Variants in DPY19L3 observed in about 807,000 individuals in gnomAD.
The protein encoded by DPY19L3 is protein C-mannosyl-transferase DPY19L3.
A neutral mutation model predicts 92.3 loss-of-function variants in DPY19L3; 51 were observed. That is an observed-to-expected ratio of 0.55 (90% CI 0.44 to 0.70). The LOEUF (loss-of-function observed/expected upper bound fraction) is 0.70, where lower values mean the gene tolerates loss of function less well. Ranked by LOEUF, DPY19L3 falls within the 30% of genes least tolerant of loss-of-function variation. The pLI is 0.00. For synonymous variants in DPY19L3, 309 were observed against 315.2 expected (o/e 0.98, Z 0.21); for missense variants, 706 against 855.9 (o/e 0.82, Z 2.18).
chr19:32,480,914 T>C (rs1970654223), intron 18 of DPY19L3: 1 of 426,140 alleles, frequency 2.3e-6, no homozygotes, highest in Admixed American at 4.0e-5. Flanking sequence ...CAACGCTTCG[T>C]ATTGGCTAGC....
At chr19:32,439,016 C>T in intron 6 of DPY19L3, 96 bp from the exon 7 acceptor site, 2 of 1,332,216 alleles carry the variant, frequency 1.5e-6, no homozygotes, top group South Asian at 1.4e-5. Context: ...CTTAAGTATA[C>T]TTGTCCTTAA....
intron 17 of DPY19L3, among the ~76,000 whole-genome samples, chr19:32,479,832 A>C (rs1464637471): frequency 1.3e-5 from 2 of 152,190 alleles, no homozygotes; most frequent in African/African-American, 4.8e-5. Context: ...AGGATGGACG[A>C]GAGGGAGAGG....
chr19:32,408,118 G>A, intron 1 of DPY19L3, 99 bp from the exon 2 acceptor site: 1 of 643,314 alleles, frequency 1.6e-6, no homozygotes. Context: ...CATGCTAATA[G>A]AGGGAAAATG....
intron 3 of DPY19L3, among the ~76,000 whole-genome samples, chr19:32,428,797 T>C (rs1968856376): frequency 6.6e-6 from 1 of 151,672 alleles, no homozygotes; most frequent in African/African-American, 2.4e-5. Context: ...TATACACTGT[T>C]ACTTCAATGG....
intron 3 of DPY19L3, among the ~76,000 whole-genome samples, chr19:32,419,739 A>G (rs1968501839): frequency 6.6e-6 from 1 of 151,986 alleles, no homozygotes; most frequent in Admixed American, 6.6e-5. Context: ...TGACCTACAT[A>G]TTCTGTTTAA....
intron 8 of DPY19L3, among the ~76,000 whole-genome samples, chr19:32,448,979 T>C (rs1969608353): frequency 6.6e-6 from 1 of 152,170 alleles, no homozygotes. Context: ...CCCCTTTTTC[T>C]AGAAATACTC....
At chr19:32,413,832 A>G (rs1968283223) in intron 3 of DPY19L3, among the ~76,000 whole-genome samples, 1 of 151,790 alleles carries the variant, frequency 6.6e-6, no homozygotes, top group East Asian at 1.9e-4. Context: ...TTGAAGCATT[A>G]CTCTCACCTT....
chr19:32,439,983 A>G (rs1599627507), intron 8 of DPY19L3, 73 bp downstream of exon 8: 1 of 1,564,332 alleles, frequency 6.4e-7, no homozygotes, highest in East Asian at 2.3e-5. Context: ...TGAGATGAAA[A>G]TATGCAAGTA....
At chr19:32,451,979 C>T (rs1192629249) in intron 8 of DPY19L3, among the ~76,000 whole-genome samples, 2 of 151,938 alleles carry the variant, frequency 1.3e-5, no homozygotes, top group Non-Finnish European at 2.9e-5. Context: ...GGACTACTTG[C>T]ACCACTACAC....
intron 17 of DPY19L3, chr19:32,479,519 A>G: frequency 2.7e-6 from 1 of 373,588 alleles, no homozygotes; most frequent in South Asian, 2.0e-5. Context: ...AGGACAACAC[A>G]GTTGTCACAG....
At chr19:32,407,465 A>G (rs930242629) in intron 1 of DPY19L3, among the ~76,000 whole-genome samples, 7 of 152,228 alleles carry the variant, frequency 4.6e-5, no homozygotes, top group Non-Finnish European at 8.8e-5. Context: ...CACATTTACT[A>G]TGGAGTATCT....
intron 8 of DPY19L3, among the ~76,000 whole-genome samples, chr19:32,440,807 T>G (rs769700305): frequency 1.2e-4 from 18 of 152,104 alleles, no homozygotes; most frequent in Non-Finnish European, 1.9e-4. Context: ...AGCTGCTAAT[T>G]AGCAATACTG....
At chr19:32,411,439 G>A (rs767428757) in intron 3 of DPY19L3, 67 bp downstream of exon 3, 3 of 1,560,230 alleles carry the variant, frequency 1.9e-6, no homozygotes, top group Non-Finnish European at 2.6e-6. Flanking sequence ...CCATGTGGAT[G>A]AATGACCAAG....
At chr19:32,410,201 T>C (rs1419748226) in intron 2 of DPY19L3, among the ~76,000 whole-genome samples, 2 of 152,210 alleles carry the variant, frequency 1.3e-5, no homozygotes, top group African/African-American at 4.8e-5. Flanking sequence ...CTTCAGTCTG[T>C]TATTATTATT....
At chr19:32,446,676 A>G (rs756818892) in intron 8 of DPY19L3, among the ~76,000 whole-genome samples, 2 of 152,238 alleles carry the variant, frequency 1.3e-5, no homozygotes, top group Non-Finnish European at 2.9e-5. Flanking sequence ...TAGCAATCCT[A>G]AGTGTACCTG....
intron 3 of DPY19L3, among the ~76,000 whole-genome samples, chr19:32,419,894 G>C (rs1245774931): frequency 8.0e-6 from 1 of 124,922 alleles, no homozygotes; most frequent in Admixed American, 9.6e-5. Context: ...GAGCCTTGCT[G>C]TGTCACCCAG....
intron 8 of DPY19L3, among the ~76,000 whole-genome samples, chr19:32,451,220 A>G (rs935035549): frequency 6.6e-6 from 1 of 152,246 alleles, no homozygotes; most frequent in African/African-American, 2.4e-5. Flanking sequence ...TTTTCACAGA[A>G]TAGTCACTGA....
At chr19:32,442,782 A>G (rs971539016) in intron 8 of DPY19L3, among the ~76,000 whole-genome samples, 3 of 152,208 alleles carry the variant, frequency 2.0e-5, no homozygotes, top group African/African-American at 7.2e-5. Context: ...ATGCTACAGA[A>G]GCAAAACCAC....
intron 2 of DPY19L3, 152 bp downstream of exon 2, chr19:32,408,508 T>C (rs910515276): frequency 1.6e-6 from 1 of 622,270 alleles, no homozygotes; most frequent in Admixed American, 3.0e-5. Context: ...ATTAGATTGA[T>C]TTTACAGTTA....
Sources: gnomAD v4.1 joint callset for allele counts (sites outside exome capture counted in the v4.1 genomes callset) on GRCh38, gnomAD v4.1.1 for gene constraint, MANE v1.5 for transcripts, NCBI Gene and HGNC (gene_info 2026-07-23, HGNC 2026-07-21) for gene names.